Variants in SYDE2 observed in about 807,000 individuals in gnomAD.
SYDE2 encodes synapse defective Rho GTPase homolog 2, also known as rho GTPase-activating protein SYDE2.
A neutral mutation model predicts 91.5 loss-of-function variants in SYDE2; 76 were observed. That is an observed-to-expected ratio of 0.83 (90% confidence interval 0.69 to 1.01). SYDE2 has a LOEUF of 1.01. Among genes scored for constraint, SYDE2 ranks in the 50% least tolerant of loss-of-function variants. The pLI, the probability that SYDE2 is intolerant of heterozygous loss-of-function variation, is 0.00. For missense variants in SYDE2, 1,364 were observed against 1,367.7 expected, an observed-to-expected ratio of 1.00 and a Z score of 0.04; for synonymous variants, 513 against 506.4, an observed-to-expected ratio of 1.01 and a Z score of -0.18.
rs1022528619 is a variant in SYDE2, at chr1:85,197,524, C to T, written c.745+2728G>A. The stretch of plus-strand genomic sequence containing the variant: ...CAAGAATGTACTGGTTCATCTAGAC[C>T]GCTCCAAATAAGTTTTGCAGAAAAC... On this transcript the variant is annotated intron_variant, in intron 1 of 6. Coordinates refer to ENST00000341460, the MANE Select transcript of SYDE2 (RefSeq NM_032184.2). Among the ~76,000 whole-genome samples the T allele has an allele frequency of 3.3e-5, 5 of 151,862 alleles. No individual in the cohort carries two copies. The South Asian group carries it at 6.2e-4, about 19-fold the overall frequency.
In SYDE2 at chr1:85,172,120, A is replaced by G. The variant is rs535595393; in HGVS notation, c.2672-2895T>C. ...ACATGAAGGAATTAGAATTTGTCCA[A>G]GATGTAAGGAAGATCATTTCTCTAT... On this transcript the variant is annotated intron_variant, in intron 4 of 6. Coordinates refer to ENST00000341460, the MANE Select transcript of SYDE2 (RefSeq NM_032184.2). Among the ~76,000 whole-genome samples the G allele has an allele frequency of 1.4e-3, 207 of 152,356 alleles. 1 individual carries two copies. Among genetic ancestry groups the G allele is most frequent in the African/African-American group, 4.9e-3 (202 of 41,582 alleles).
Position 85,157,304 on chromosome 1 carries a change from C to T in SYDE2, c.*1446G>A, listed in dbSNP as rs1256337817. 2 of 151,920 alleles carry T rather than the reference C, an allele frequency of 1.3e-5. No homozygotes were observed. The highest frequency in any genetic ancestry group is 6.6e-5 in the Admixed American group (1 of 15,266). 9.4% of individuals were successfully genotyped at this position (151,920 alleles called of 1,614,324 possible). A position where few individuals can be genotyped will look rare whatever the true frequency, so the allele number is the denominator to read the frequency against. On this transcript the variant is annotated 3_prime_UTR_variant, in exon 7 of 7. Coordinates refer to ENST00000341460, the MANE Select transcript of SYDE2 (RefSeq NM_032184.2). ...TAAAAAAATACATTTTGATTTAATA[C>T]AAAAGCCTTCTAAATTTACATTTTC...
intron 2 of SYDE2, among the ~76,000 whole-genome samples, chr1:85,184,234 G>A (rs1314616560): frequency 1.3e-5 from 2 of 152,162 alleles, no homozygotes; most frequent in Non-Finnish European, 2.9e-5. Flanking sequence ...TCAATATTTA[G>A]TGAATAAATG....
Position 85,165,361 on chromosome 1 carries a change from T to C in SYDE2, c.2854-604A>G, listed in dbSNP as rs536911924. ...CCTGGGAAAATGCGTCCATTACCTC[T>C]TTCTCTTCTAACATGGCAACAGCAA... On this transcript the variant is annotated intron_variant, in intron 5 of 6. Coordinates refer to ENST00000341460, the MANE Select transcript of SYDE2 (RefSeq NM_032184.2). 4.1e-4 allele frequency among the ~76,000 whole-genome samples: 63 copies of C among 152,358 alleles called. No homozygotes were observed. In the Middle Eastern group the frequency reaches 0.01, roughly 25 times the overall value.
At chr1:85,190,013 A>G in intron 2 of SYDE2, 44 bp downstream of exon 2, 1 of 1,435,270 alleles carries the variant, frequency 7.0e-7, no homozygotes, top group Non-Finnish European at 9.4e-7. Context: ...CAAATAATTC[A>G]AAAATGGAAG....
At chr1:85,198,250 G>C (rs1048829129) in intron 1 of SYDE2, among the ~76,000 whole-genome samples, 1 of 152,070 alleles carries the variant, frequency 6.6e-6, no homozygotes, top group African/African-American at 2.4e-5. Context: ...TAATCCCTCT[G>C]TTCTTTTTCT....
chr1:85,182,855 G>C lies in SYDE2; in HGVS notation c.1787C>G (p.Thr596Ser), dbSNP rs973449729. The C allele has an allele frequency of 1.2e-6, 2 of 1,613,614 alleles. No individual in the cohort carries two copies. Among genetic ancestry groups the C allele is most frequent in the African/African-American group, 1.3e-5 (1 of 74,898 alleles). ...RNVISRYHLD[T>S]SVSSQQSYQK... The stretch of plus-strand genomic sequence containing the variant: ...GTAGCTCTGCTGGGAGGATACACTG[G>C]TATCAAGATGGTATCGGCTTATAAC... The change falls in exon 3 of 7, where the codon ACC becomes AGC. Residue 596 changes from threonine to serine, a missense_variant. Thr to Ser is a moderately conservative substitution (Grantham distance 58). Coordinates refer to ENST00000341460, the MANE Select transcript of SYDE2 (RefSeq NM_032184.2).
chr1:85,177,023 A>G (rs567084423), intron 4 of SYDE2, among the ~76,000 whole-genome samples: 177 of 152,226 alleles, frequency 1.2e-3, no homozygotes, highest in African/African-American at 4.0e-3. Context: ...TTCTCATATA[A>G]TCTCTCCATA....
At chr1:85,171,380 G>C (rs1036488887) in intron 4 of SYDE2, among the ~76,000 whole-genome samples, 7 of 152,270 alleles carry the variant, frequency 4.6e-5, no homozygotes, top group Middle Eastern at 3.4e-3. Flanking sequence ...AAAGATGTAT[G>C]TATGGTGAGA....
rs1256875688 is a variant in SYDE2 at position 85,190,481 on chromosome 1, T to C, written c.1017A>G (p.Thr339=). The C allele has an allele frequency of 1.2e-6, 2 of 1,614,008 alleles. No individual in the cohort carries two copies. Among genetic ancestry groups the C allele is most frequent in the Non-Finnish European group, 1.7e-6 (2 of 1,179,880 alleles). The change falls in exon 2 of 7, where the codon ACA becomes ACG. Residue 339 remains threonine, a synonymous_variant. Transcript: ENST00000341460. The part of the protein sequence containing the change: ...SFLKSSKEYC[T]YVVCNATNSS... ...AGTTTGTAGCGTTACATACCACATA[T>C]GTACAGTACTCTTTAGATGATTTGA...
rs371115476 is a variant in SYDE2 at position 85,183,071 on chromosome 1, C to T, written c.1571G>A (p.Arg524Gln). Residue 524 changes from arginine to glutamine, a missense_variant, in exon 3 of 7, where the codon CGA becomes CAA. Transcript: ENST00000341460. ...TTTCATGGAAAGTTTCCTCACAGTT[C>T]GTGGAGATTTTATTTTATCTGGCAA... ...WSLPDKIKSPRTVRKLSMKMK... is the reference protein window; with the variant it reads ...WSLPDKIKSPQTVRKLSMKMK... 40 of 1,613,498 alleles carry T rather than the reference C, an allele frequency of 2.5e-5. No homozygotes were observed. The highest frequency in any genetic ancestry group is 3.1e-5 in the Non-Finnish European group (37 of 1,179,754).
chr1:85,190,803 A>G lies in SYDE2; in HGVS notation c.746-51T>C. ...AGAATATAATGGCTGGTATATCAGA[A>G]AGACATGTCACTTCAGACCAGTTAT... On this transcript the variant is annotated intron_variant, in intron 1 of 6. Transcript: ENST00000341460. The G allele has an allele frequency of 2.1e-6, 3 of 1,449,826 alleles. No individual in the cohort carries two copies. In the African/African-American group the frequency reaches 4.3e-5, roughly 21 times the overall value. 89.8% of individuals were successfully genotyped at this position (1,449,826 alleles called of 1,614,324 possible).
Position 85,190,243 on chromosome 1 carries a change from T to G in SYDE2, c.1255A>C (p.Thr419Pro), listed in dbSNP as rs1459379562. The change falls in exon 2 of 7, where the codon ACT becomes CCT. Residue 419 changes from threonine to proline, a missense_variant. Physicochemically the swap from Thr to Pro is conservative, Grantham distance 38. Transcript: ENST00000341460. ...GSDLMKAERHTEDSLCSSEHA... is the reference protein window; with the variant it reads ...GSDLMKAERHPEDSLCSSEHA... Reference sequence around the variant, plus strand: ...TCGGAAGAGCACAGTGAGTCTTCAGTATGCCGCTCTGCTTTCATCAGGTCA... The same window carrying G: ...TCGGAAGAGCACAGTGAGTCTTCAGGATGCCGCTCTGCTTTCATCAGGTCA... 17 of 1,613,940 alleles carry G rather than the reference T, an allele frequency of 1.1e-5. No individual in the cohort carries two copies. Among genetic ancestry groups the G allele is most frequent in the Non-Finnish European group, 1.4e-5 (17 of 1,179,852 alleles).
chr1:85,156,928 A>G lies in SYDE2; in HGVS notation c.*1822T>C, dbSNP rs1013274757. The G allele has an allele frequency of 1.3e-5, 2 of 152,106 alleles. No homozygotes were observed. The highest frequency in any genetic ancestry group is 2.9e-5 in the Non-Finnish European group (2 of 67,982). 9.4% of individuals were successfully genotyped at this position (152,106 alleles called of 1,614,324 possible). On this transcript the variant is annotated 3_prime_UTR_variant, in exon 7 of 7. Transcript: ENST00000341460. ...GAGCAATTTATTCAATTCATACATG[A>G]TATAGCAACAAAAGGAAGGAAACTG...
intron 1 of SYDE2, among the ~76,000 whole-genome samples, chr1:85,198,397 CA>C (rs1658678074): frequency 6.6e-6 from 1 of 152,012 alleles, no homozygotes; most frequent in South Asian, 2.1e-4. Flanking sequence ...AAAAGCTCTC[CA>C]AATCTATACT....
At chr1:85,160,993 A>C in intron 6 of SYDE2, 2 of 980,830 alleles carry the variant, frequency 2.0e-6, no homozygotes, top group Non-Finnish European at 2.4e-6. Flanking sequence ...TTTCTGAAAA[A>C]CCAACATCAC....
rs759962926 is a variant in SYDE2, at chr1:85,200,395, A to G, written c.602T>C (p.Leu201Pro). 8 of 1,613,926 alleles carry G rather than the reference A, an allele frequency of 5.0e-6. No individual in the cohort carries two copies. Among genetic ancestry groups the G allele is most frequent in the Admixed American group, 1.7e-5 (1 of 60,012 alleles). The part of the protein sequence containing the change: ...LQKWMYKGRL[L>P]SLGMKGRARG... The stretch of plus-strand genomic sequence containing the variant: ...GGCACGACCCTTCATTCCCAGGGAC[A>G]GCAGACGCCCTTTGTACATCCACTT... Residue 201 changes from leucine to proline, a missense_variant, in exon 1 of 7, where the codon CTG becomes CCG. Coordinates refer to ENST00000341460, the MANE Select transcript of SYDE2 (RefSeq NM_032184.2).
intron 1 of SYDE2, chr1:85,195,011 T>C (rs1196294925): frequency 1.1e-5 from 2 of 176,460 alleles, no homozygotes; most frequent in African/African-American, 4.8e-5. Context: ...ATCCAAAAAA[T>C]TAGCCGAGCA....
intron 1 of SYDE2, among the ~76,000 whole-genome samples, chr1:85,198,867 TG>T (rs1658701087): frequency 6.6e-6 from 1 of 152,166 alleles, no homozygotes; most frequent in South Asian, 2.1e-4. Context: ...AAATTACTCC[TG>T]GAAATGCATG....
Sources: gnomAD v4.1 joint callset for allele counts (sites outside exome capture counted in the v4.1 genomes callset) on GRCh38, gnomAD v4.1.1 for gene constraint, MANE v1.5 for transcripts, NCBI Gene and HGNC (gene_info 2026-07-23, HGNC 2026-07-21) for gene names.